Variants in DCC observed in about 807,000 individuals in gnomAD.
DCC encodes the protein netrin receptor DCC.
DCC carries 58 observed loss-of-function variants against 172.5 expected under a neutral mutation model. The observed-to-expected ratio is 0.34, with a 90% CI of 0.27 to 0.42. The LOEUF (loss-of-function observed/expected upper bound fraction) is 0.42, where lower values mean the gene tolerates loss of function less well. Among genes scored for constraint, DCC ranks in the 10% least tolerant of loss-of-function variants. The pLI is 1.00. For missense variants in DCC, 1,740 were observed against 1,791.0 expected (o/e 0.97, Z 0.51); for synonymous variants, 709 against 644.5 (o/e 1.10, Z -1.52).
At chr18:52,479,590 C>A (rs1221970) in intron 1 of DCC, among the ~76,000 whole-genome samples, 30,545 of 134,124 alleles carry the variant, frequency 0.23, 4,209 homozygotes, top group Non-Finnish European at 0.31. Context: ...ACCCCCCCCC[C>A]GTCTCCCTTC....
chr18:53,086,010 C>CTTATTATTATTATTATTATTATTA (rs781244055), intron 7 of DCC, among the ~76,000 whole-genome samples: 1 of 19,072 alleles, frequency 5.2e-5, no homozygotes, highest in African/African-American at 1.0e-3. Flanking sequence ...TCTTCTCCTT[C>CTTATTATTATTATTATTATTATTA]TCCTTCTCCC....
Position 52,679,393 on chromosome 18 carries a change from TTTG to T in DCC, c.92-72654_92-72652del, listed in dbSNP as rs561725536. Among the ~76,000 whole-genome samples the T allele has an allele frequency of 5.5e-3, 835 of 152,186 alleles. 5 individuals carry two copies. The highest frequency in any genetic ancestry group is 9.5e-3 in the Non-Finnish European group (649 of 68,008). ...TCTAAAGCTAACTTTTAGAAATTAT[TTTG>T]TTGTTGATGATGATGATTTATAGCT... is the stretch of plus-strand genomic sequence containing the variant. On this transcript the variant is annotated intron_variant, in intron 1 of 28. Transcript: ENST00000442544.
At chr18:53,267,406 C>T (rs533681663) in intron 12 of DCC, among the ~76,000 whole-genome samples, 10 of 152,144 alleles carry the variant, frequency 6.6e-5, no homozygotes, top group South Asian at 2.1e-4. Context: ...AGCCTGGTCT[C>T]GAACTCCTGA....
chr18:53,073,318 G>A (rs1389418918), intron 7 of DCC, among the ~76,000 whole-genome samples: 1 of 152,164 alleles, frequency 6.6e-6, no homozygotes, highest in Non-Finnish European at 1.5e-5. Flanking sequence ...TAGGTCAGGA[G>A]ATCGAGACCA....
chr18:52,609,270 G>A (rs774981540), intron 1 of DCC, among the ~76,000 whole-genome samples: 1 of 152,006 alleles, frequency 6.6e-6, no homozygotes, highest in African/African-American at 2.4e-5. Flanking sequence ...AGTGAAAGGC[G>A]AAAAAAAGTG....
intron 8 of DCC, among the ~76,000 whole-genome samples, chr18:53,161,269 A>G (rs1598861478): frequency 6.6e-6 from 1 of 152,344 alleles, no homozygotes; most frequent in East Asian, 1.9e-4. Context: ...CTAACCCAGT[A>G]GTCAATTCCT....
At chr18:52,847,626 A>C (rs2038915356) in intron 2 of DCC, among the ~76,000 whole-genome samples, 1 of 152,172 alleles carries the variant, frequency 6.6e-6, no homozygotes, top group Non-Finnish European at 1.5e-5. Context: ...CCCTCCCTCC[A>C]AGACACATAC....
chr18:52,755,822 TAAA>T (rs200934069), intron 2 of DCC, among the ~76,000 whole-genome samples: 5,197 of 152,232 alleles, frequency 0.034, 126 homozygotes, highest in Admixed American at 0.048. Context: ...TGTCTTTTGA[TAAA>T]AAGAAGTGTA....
chr18:52,427,844 C>G (rs1179153989), intron 1 of DCC, among the ~76,000 whole-genome samples: 1 of 96,866 alleles, frequency 1.0e-5, no homozygotes, highest in Non-Finnish European at 2.4e-5. Flanking sequence ...TTCTTCCTTC[C>G]TTCCTTCCTT....
chr18:52,491,205 A>G (rs575023185), intron 1 of DCC, among the ~76,000 whole-genome samples: 9 of 152,176 alleles, frequency 5.9e-5, no homozygotes, highest in South Asian at 2.1e-4. Flanking sequence ...AACACCTGCA[A>G]TATGTTGTAT....
chr18:53,112,463 T>C lies in DCC; in HGVS notation c.1262-44893T>C, dbSNP rs150243150. 2.1e-3 allele frequency among the ~76,000 whole-genome samples: 323 copies of C among 151,656 alleles called. 1 individual carries two copies. Among genetic ancestry groups the C allele is most frequent in the Non-Finnish European group, 3.6e-3 (244 of 67,682 alleles). On this transcript the variant is annotated intron_variant, in intron 7 of 28. Transcript: ENST00000442544. ...ACTCGCCACTCACTCATATAATAAATGGCAGCTTCTGGATTTGAACCCAGA... is the reference window on the plus strand; with the variant it reads ...ACTCGCCACTCACTCATATAATAAACGGCAGCTTCTGGATTTGAACCCAGA...
chr18:52,817,319 TCTG>T (rs1343813839), intron 2 of DCC, among the ~76,000 whole-genome samples: 7 of 152,164 alleles, frequency 4.6e-5, no homozygotes, highest in African/African-American at 1.7e-4. Flanking sequence ...TATTTTGAGT[TCTG>T]CTTTTCTTCC....
At chr18:52,641,384 G>C (rs2034887510) in intron 1 of DCC, among the ~76,000 whole-genome samples, 1 of 152,118 alleles carries the variant, frequency 6.6e-6, no homozygotes, top group African/African-American at 2.4e-5. Flanking sequence ...AAACTAAAGA[G>C]TTTTTGCACG....
Position 53,460,055 on chromosome 18 carries a change from T to TG in DCC, c.3619+598dup, listed in dbSNP as rs1484468318. On this transcript the variant is annotated intron_variant, in intron 24 of 28. Coordinates refer to ENST00000442544, the MANE Select transcript of DCC (RefSeq NM_005215.4). ...AACTATGTTGTTATACAAAGGGATC[T>TG]GAAAAAAAAAAAAAAAAAAAGCCTA... Among the ~76,000 whole-genome samples, 168 of 50,522 alleles carry TG rather than the reference T, an allele frequency of 3.3e-3. 3 individuals are homozygous for TG. Among genetic ancestry groups the TG allele is most frequent in the Middle Eastern group, 0.019 (1 of 54 alleles). 33.1% of individuals were successfully genotyped at this position (50,522 alleles called of 152,430 possible).
rs111662546 is a variant in DCC at position 52,519,840 on chromosome 18, TCAATGAA to T, written c.91+178964_91+178970del. 2.7e-4 allele frequency among the ~76,000 whole-genome samples: 41 copies of T among 152,278 alleles called. 1 individual carries two copies. The highest frequency in any genetic ancestry group is 9.1e-4 in the African/African-American group (38 of 41,548). ...AAAATTGCTTGGAGATGAAGAACTT[TCAATGAA>T]CCATGATGGACAGAAGTATCTGAGC... On this transcript the variant is annotated intron_variant, in intron 1 of 28. Transcript: ENST00000442544.
intron 1 of DCC, among the ~76,000 whole-genome samples, chr18:52,685,325 C>A (rs1167106645): frequency 1.3e-5 from 2 of 152,006 alleles, no homozygotes; most frequent in Non-Finnish European, 2.9e-5. Context: ...ATTTATTGAT[C>A]ATTTCTCTTT....
intron 5 of DCC, among the ~76,000 whole-genome samples, chr18:52,959,704 T>C (rs576878474): frequency 6.6e-5 from 10 of 152,240 alleles, no homozygotes; most frequent in African/African-American, 2.4e-4. Context: ...AGGCACACAA[T>C]AAATAATATT....
At chr18:52,710,014 C>T (rs2036269147) in intron 1 of DCC, among the ~76,000 whole-genome samples, 1 of 152,062 alleles carries the variant, frequency 6.6e-6, no homozygotes, top group Non-Finnish European at 1.5e-5. Context: ...TGCCCATCAG[C>T]CAGATTTTTG....
chr18:53,416,060 A>C, intron 20 of DCC, 64 bp from the exon 21 acceptor site: 1 of 1,202,504 alleles, frequency 8.3e-7, no homozygotes, highest in Non-Finnish European at 1.2e-6. Flanking sequence ...TGTTGGTTTG[A>C]TATGTCAGCT....
Sources: allele counts gnomAD v4.1 joint callset (sites outside exome capture counted in the v4.1 genomes callset), GRCh38; gene constraint gnomAD v4.1.1; transcripts MANE v1.5; gene names NCBI Gene and HGNC (gene_info 2026-07-23, HGNC 2026-07-21).